The following CRYBG1 variants were observed in gnomAD, a reference collection of about 807,000 sequenced individuals.
CRYBG1 encodes beta/gamma crystallin domain-containing protein 1.
CRYBG1 carries 139 observed loss-of-function variants against 189.2 expected under a neutral mutation model. The observed-to-expected ratio is 0.73, with a 90% CI of 0.64 to 0.85. The LOEUF is 0.85. Among genes scored for constraint, CRYBG1 ranks in the 40% least tolerant of loss-of-function variants. The pLI, the probability that CRYBG1 is intolerant of heterozygous loss-of-function variation, is 0.00. For synonymous variants in CRYBG1, 1,023 were observed against 1,017.1 expected (o/e 1.01, Z -0.11); for missense variants, 2,611 against 2,675.8 (o/e 0.98, Z 0.53).
rs542269153 is a variant in CRYBG1, at chr6:106,551,291, C to T, written c.5313-561C>T. 6.1e-4 allele frequency among the ~76,000 whole-genome samples: 93 copies of T among 152,190 alleles called. 1 individual carries two copies. The highest frequency in any genetic ancestry group is 4.8e-3 in the Admixed American group (74 of 15,282). ...ATTTGATTTTCTGTTTGTGTTAATT[C>T]GCTTAGGATAGTGACCTCCAGTTGC... On this transcript the variant is annotated intron_variant, in intron 13 of 21. Coordinates refer to ENST00000633556, the MANE Select transcript of CRYBG1 (RefSeq NM_001371242.2).
Position 106,551,930 on chromosome 6 carries a change from C to T in CRYBG1, c.5391C>T (p.Asp1797=), listed in dbSNP as rs1582834336. The T allele has an allele frequency of 6.2e-7, 1 of 1,611,426 alleles. No homozygotes were observed. The highest frequency in any genetic ancestry group is 1.1e-5 in the South Asian group (1 of 90,892). ...LDKGFYTSFE[D]WGGKNCKISS... ...AAGGATTTTATACCAGTTTTGAGGA[C>T]TGGGGAGGCAAAAATTGTAAGATCT... Residue 1797 remains aspartate (D), a synonymous_variant, in exon 14 of 22, where the codon GAC becomes GAT. Coordinates refer to ENST00000633556, the MANE Select transcript of CRYBG1 (RefSeq NM_001371242.2).
chr6:106,375,069 C>T (rs1250628737), intron 1 of CRYBG1, among the ~76,000 whole-genome samples: 2 of 152,012 alleles, frequency 1.3e-5, no homozygotes, highest in Non-Finnish European at 2.9e-5. Context: ...ATGATGCAGA[C>T]CTCTGTATAT....
intron 2 of CRYBG1, among the ~76,000 whole-genome samples, chr6:106,503,330 T>C (rs1285626688): frequency 6.6e-6 from 1 of 152,234 alleles, no homozygotes; most frequent in African/African-American, 2.4e-5. Flanking sequence ...TACAATTACC[T>C]GGATTCTAAA....
intron 1 of CRYBG1, among the ~76,000 whole-genome samples, chr6:106,387,816 T>G (rs1444127977): frequency 6.6e-6 from 1 of 152,166 alleles, no homozygotes; most frequent in Non-Finnish European, 1.5e-5. Context: ...CTCAAAATTA[T>G]GAAGACCCAT....
intron 2 of CRYBG1, among the ~76,000 whole-genome samples, chr6:106,459,341 T>A (rs1054711455): frequency 3.3e-5 from 5 of 152,310 alleles, no homozygotes; most frequent in South Asian, 2.1e-4. Context: ...GGTGTTTTTT[T>A]AAGAAGAGCA....
chr6:106,496,193 T>C (rs1772847152), intron 2 of CRYBG1, among the ~76,000 whole-genome samples: 1 of 152,198 alleles, frequency 6.6e-6, no homozygotes. Context: ...TAAAATAAAT[T>C]ATAAGAAATA....
At chr6:106,469,949 T>C (rs970209702) in intron 2 of CRYBG1, among the ~76,000 whole-genome samples, 6 of 152,118 alleles carry the variant, frequency 3.9e-5, no homozygotes, top group Non-Finnish European at 8.8e-5. Context: ...ATTTATGCTA[T>C]GGGGCTGTCA....
intron 1 of CRYBG1, among the ~76,000 whole-genome samples, chr6:106,410,797 G>A (rs988199189): frequency 1.3e-5 from 2 of 152,174 alleles, no homozygotes; most frequent in Admixed American, 6.5e-5. Flanking sequence ...ACTCGTAAGT[G>A]GGAGTTGAAC....
chr6:106,517,459 TATATACAC>T (rs528255351), intron 3 of CRYBG1, among the ~76,000 whole-genome samples: 5 of 114,308 alleles, frequency 4.4e-5, no homozygotes, highest in African/African-American at 1.0e-4. Flanking sequence ...CACACATATA[TATATACAC>T]ACACACATAT....
At chr6:106,394,859 A>ATTT (rs34252257) in intron 1 of CRYBG1, among the ~76,000 whole-genome samples, 10,949 of 142,048 alleles carry the variant, frequency 0.077, 563 homozygotes, top group East Asian at 0.14. Context: ...ACACAGCAGA[A>ATTT]TTTTTTTTTT....
At chr6:106,542,155 A>G (rs546411375) in intron 10 of CRYBG1, among the ~76,000 whole-genome samples, 2 of 148,688 alleles carry the variant, frequency 1.3e-5, no homozygotes, top group African/African-American at 4.9e-5. Flanking sequence ...TTTATTTTAT[A>G]TATATATGTA....
At chr6:106,469,245 C>T (rs1033530470) in intron 2 of CRYBG1, among the ~76,000 whole-genome samples, 2 of 152,218 alleles carry the variant, frequency 1.3e-5, no homozygotes, top group African/African-American at 4.8e-5. Flanking sequence ...TTATTGGTCA[C>T]AGCTTAGCTT....
At chr6:106,394,908 T>A (rs959258153) in intron 1 of CRYBG1, among the ~76,000 whole-genome samples, 5 of 149,674 alleles carry the variant, frequency 3.3e-5, no homozygotes, top group Admixed American at 2.0e-4. Context: ...CAGGCTGGAG[T>A]ACAGTGGTAT....
In CRYBG1 at chr6:106,563,757, T is replaced by G. The variant is rs1182361705; in HGVS notation, c.6139-7T>G. 3.1e-6 allele frequency: 5 copies of G among 1,593,558 alleles called. No individual in the cohort carries two copies. Among genetic ancestry groups the G allele is most frequent in the African/African-American group, 1.3e-5 (1 of 74,576 alleles). Reference sequence around the variant, plus strand: ...ATTTAAGATATCTGGTCTTTTCCACTGAGCAGATAGCAGAAGACTGCTGCC... The same window carrying G: ...ATTTAAGATATCTGGTCTTTTCCACGGAGCAGATAGCAGAAGACTGCTGCC... On this transcript the variant is annotated splice_polypyrimidine_tract_variant and splice_region_variant and intron_variant, in intron 20 of 21. Coordinates refer to ENST00000633556, the MANE Select transcript of CRYBG1 (RefSeq NM_001371242.2).
chr6:106,513,753 A>G (rs1773354105), intron 3 of CRYBG1, among the ~76,000 whole-genome samples: 1 of 152,244 alleles, frequency 6.6e-6, no homozygotes, highest in African/African-American at 2.4e-5. Context: ...CATTTTATGG[A>G]ACTTAGTGCA....
At chr6:106,379,074 G>A (rs1343357722) in intron 1 of CRYBG1, among the ~76,000 whole-genome samples, 1 of 151,996 alleles carries the variant, frequency 6.6e-6, no homozygotes, top group Admixed American at 6.6e-5. Flanking sequence ...GCTTGACCCC[G>A]GGAGGCAGAG....
chr6:106,476,764 A>T (rs999179663), intron 2 of CRYBG1, among the ~76,000 whole-genome samples: 3 of 152,222 alleles, frequency 2.0e-5, no homozygotes, highest in African/African-American at 7.2e-5. Flanking sequence ...ATGAAGTAAG[A>T]CCAGTTCCCA....
chr6:106,519,445 A>G lies in CRYBG1; in HGVS notation c.2237A>G (p.Glu746Gly), dbSNP rs1562100523. 1.9e-6 allele frequency: 3 copies of G among 1,614,134 alleles called. No homozygotes were observed. The highest frequency in any genetic ancestry group is 2.5e-6 in the Non-Finnish European group (3 of 1,180,038). Residue 746 changes from glutamate (E) to glycine (G), a missense_variant, in exon 4 of 22, where the codon GAA becomes GGA. Physicochemically the swap from Glu to Gly is moderately conservative, Grantham distance 98. Transcript: ENST00000633556. ...NSPQNGVLVK[E>G]TAIETKVTVS... ...CCCCAGAATGGTGTGCTGGTTAAGG[A>G]AACTGCTATAGAAACCAAAGTTACC...
In CRYBG1 at chr6:106,410,735, A is replaced by G. The variant is rs1582747353; in HGVS notation, c.174-40959A>G. ...AGGGACATGGATGAAGCTGGAAACC[A>G]TGATTCTCAGCAAACTGACACAGGA... On this transcript the variant is annotated intron_variant, in intron 1 of 21. Coordinates refer to ENST00000633556, the MANE Select transcript of CRYBG1 (RefSeq NM_001371242.2). Among the ~76,000 whole-genome samples the G allele has an allele frequency of 3.3e-5, 5 of 152,340 alleles. 1 individual carries two copies. In the Middle Eastern group the frequency reaches 0.014, roughly 415 times the overall value.
Sources: allele counts gnomAD v4.1 joint callset (sites outside exome capture counted in the v4.1 genomes callset), GRCh38; gene constraint gnomAD v4.1.1; transcripts MANE v1.5; gene names NCBI Gene and HGNC (gene_info 2026-07-23, HGNC 2026-07-21).